Variants in FUT9 observed in about 807,000 individuals in gnomAD.
FUT9 encodes the protein fucosyltransferase 9, also known as 4-galactosyl-N-acetylglucosaminide 3-alpha-L-fucosyltransferase 9.
In FUT9, 15 loss-of-function variants were observed where a neutral mutation model predicts 29.7. That is an observed-to-expected ratio of 0.51 (90% CI 0.34 to 0.78). The LOEUF (loss-of-function observed/expected upper bound fraction) is 0.78, where lower values mean the gene tolerates loss of function less well. FUT9 is among the 30% of genes least tolerant of loss of function. FUT9 has a pLI of 0.01. For synonymous variants in FUT9, 169 were observed against 153.7 expected, an observed-to-expected ratio of 1.10 and a Z score of -0.74; for missense variants, 319 against 425.4, an observed-to-expected ratio of 0.75 and a Z score of 2.20.
intron 2 of FUT9, among the ~76,000 whole-genome samples, chr6:96,181,418 A>T (rs1168300934): frequency 7.2e-6 from 1 of 139,340 alleles, no homozygotes; most frequent in Admixed American, 7.8e-5. Flanking sequence ...TCTCCATTTT[A>T]TTTTTTTTCT....
At chr6:96,033,894 A>T (rs1770306371) in intron 1 of FUT9, among the ~76,000 whole-genome samples, 1 of 151,622 alleles carries the variant, frequency 6.6e-6, no homozygotes, top group Non-Finnish European at 1.5e-5. Context: ...ACACACATTC[A>T]TAAATATATA....
rs551977424 is a variant in FUT9, at chr6:96,108,814, G to GAC, written c.-97-5214_-97-5213dup. On this transcript the variant is annotated intron_variant, in intron 1 of 2. Transcript: ENST00000302103. ...TGCCACTACATTGTACCCGAAGCCA[G>GAC]ACACACACACACCGTTCATTTGTAC... Among the ~76,000 whole-genome samples, 3 of 151,842 alleles carry GAC rather than the reference G, an allele frequency of 2.0e-5. No homozygotes were observed. The East Asian group carries it at 5.8e-4, about 29-fold the overall frequency.
intron 2 of FUT9, among the ~76,000 whole-genome samples, chr6:96,134,518 C>T (rs902286244): frequency 6.6e-6 from 1 of 151,758 alleles, no homozygotes; most frequent in Admixed American, 6.6e-5. Flanking sequence ...TGTCCTTCTC[C>T]AAATATTTCA....
intron 2 of FUT9, among the ~76,000 whole-genome samples, chr6:96,164,811 T>C (rs1772984047): frequency 6.6e-6 from 1 of 152,234 alleles, no homozygotes; most frequent in Non-Finnish European, 1.5e-5. Flanking sequence ...CTTAGAATTT[T>C]ATTTTTGGTT....
Position 96,165,869 on chromosome 6 carries a change from A to AC in FUT9, c.-8-37277dup, listed in dbSNP as rs572833706. Among the ~76,000 whole-genome samples, 23 of 151,956 alleles carry AC rather than the reference A, an allele frequency of 1.5e-4. No individual in the cohort carries two copies. The East Asian group carries it at 3.9e-3, about 26-fold the overall frequency. The stretch of plus-strand genomic sequence containing the variant: ...GACCTCAAGTGATCCACCAGCCTCA[A>AC]CCTCCCAGAGTGCTGGGATTACAGG... On this transcript the variant is annotated intron_variant, in intron 2 of 2. Transcript: ENST00000302103.
At chr6:96,025,254 G>A (rs191685194) in intron 1 of FUT9, among the ~76,000 whole-genome samples, 3 of 151,834 alleles carry the variant, frequency 2.0e-5, no homozygotes, top group African/African-American at 7.2e-5. Flanking sequence ...GACTGGACTC[G>A]ATTCCAGTCT....
chr6:96,075,788 G>A (rs963586908), intron 1 of FUT9, among the ~76,000 whole-genome samples: 4 of 152,108 alleles, frequency 2.6e-5, no homozygotes, highest in Non-Finnish European at 5.9e-5. Flanking sequence ...TTCACTGACC[G>A]ATTTGACAAT....
intron 2 of FUT9, among the ~76,000 whole-genome samples, chr6:96,115,679 A>C (rs1203235679): frequency 1.3e-5 from 2 of 152,194 alleles, no homozygotes; most frequent in African/African-American, 4.8e-5. Context: ...CTGCTACCTA[A>C]TGAATTTTGA....
At chr6:96,180,809 T>A (rs1773292878) in intron 2 of FUT9, among the ~76,000 whole-genome samples, 1 of 152,086 alleles carries the variant, frequency 6.6e-6, no homozygotes, top group Non-Finnish European at 1.5e-5. Context: ...CTATTGTGTA[T>A]ATTTTCTTTA....
At chr6:96,102,338 A>T (rs2127957300) in intron 1 of FUT9, among the ~76,000 whole-genome samples, 1 of 150,834 alleles carries the variant, frequency 6.6e-6, no homozygotes, top group East Asian at 1.9e-4. Flanking sequence ...CCTGAGTTTA[A>T]AAAAAAAAGA....
chr6:96,029,454 T>C (rs1770223714), intron 1 of FUT9, among the ~76,000 whole-genome samples: 1 of 151,518 alleles, frequency 6.6e-6, no homozygotes, highest in South Asian at 2.1e-4. Flanking sequence ...TCCCAGTCTA[T>C]TCAAGCTCGC....
In FUT9 at chr6:96,203,944, T is replaced by C. The variant is rs759848507; in HGVS notation, c.789T>C (p.Ala263=). The C allele has an allele frequency of 1.7e-5, 27 of 1,613,232 alleles. No individual in the cohort carries two copies. The highest frequency in any genetic ancestry group is 1.4e-5 in the Non-Finnish European group (16 of 1,179,440). ...ITEKLYNAFL[A]GSVPVVLGPS... ...AAAAGCTATACAATGCTTTTCTGGC[T>C]GGCTCTGTACCTGTTGTTCTGGGAC... The change falls in exon 3 of 3, where the codon GCT becomes GCC. Residue 263 remains alanine (A), a synonymous_variant. Coordinates refer to ENST00000302103, the MANE Select transcript of FUT9 (RefSeq NM_006581.4).
intron 2 of FUT9, among the ~76,000 whole-genome samples, chr6:96,151,543 G>C (rs555368849): frequency 2.0e-5 from 3 of 152,106 alleles, no homozygotes; most frequent in Non-Finnish European, 4.4e-5. Context: ...CTTCCTCCTT[G>C]CTTCAGGGCA....
chr6:96,183,388 G>A (rs1191581231), intron 2 of FUT9, among the ~76,000 whole-genome samples: 3 of 151,962 alleles, frequency 2.0e-5, no homozygotes, highest in Non-Finnish European at 4.4e-5. Context: ...CATATAATCA[G>A]CAAACAGTGA....
In FUT9 at chr6:96,215,443, T is replaced by G. The variant is rs920547409; in HGVS notation, c.*11208T>G. On this transcript the variant is annotated 3_prime_UTR_variant, in exon 3 of 3. Coordinates refer to ENST00000302103, the MANE Select transcript of FUT9 (RefSeq NM_006581.4). ...AATGTATAAAGGATTTGAGCCTGTA[T>G]GTGTAAGAAGAAACTCTCTCTTCAG... 1.2e-5 allele frequency: 2 copies of G among 166,814 alleles called. No individual in the cohort carries two copies. 10.3% of individuals were successfully genotyped at this position (166,814 alleles called of 1,614,324 possible).
chr6:96,077,264 C>G (rs1771154770), intron 1 of FUT9, among the ~76,000 whole-genome samples: 1 of 152,098 alleles, frequency 6.6e-6, no homozygotes, highest in African/African-American at 2.4e-5. Flanking sequence ...TACCCAATCT[C>G]ATAAACTAAG....
At chr6:96,150,220 A>T (rs1351950256) in intron 2 of FUT9, among the ~76,000 whole-genome samples, 1 of 152,210 alleles carries the variant, frequency 6.6e-6, no homozygotes, top group Non-Finnish European at 1.5e-5. Context: ...GTAAAATGAC[A>T]TTAGAATTCA....
rs900511113 is a variant in FUT9, at chr6:96,196,713, AAAAAT to A, written c.-8-6417_-8-6413del. Among the ~76,000 whole-genome samples, 17 of 152,216 alleles carry A rather than the reference AAAAAT, an allele frequency of 1.1e-4. 1 individual carries two copies. The South Asian group carries it at 2.7e-3, about 24-fold the overall frequency. ...GTGACAGAGTGAGACTCCATCTCAA[AAAAAT>A]AAAATAAAATAAAATAACAAAGGGG... On this transcript the variant is annotated intron_variant, in intron 2 of 2. Coordinates refer to ENST00000302103, the MANE Select transcript of FUT9 (RefSeq NM_006581.4).
chr6:96,079,693 A>G (rs1326954138), intron 1 of FUT9, among the ~76,000 whole-genome samples: 1 of 151,514 alleles, frequency 6.6e-6, no homozygotes, highest in Non-Finnish European at 1.5e-5. Context: ...ATATGTTTCT[A>G]GTGTAAAAAA....
Sources: allele counts gnomAD v4.1 joint callset (sites outside exome capture counted in the v4.1 genomes callset), GRCh38; gene constraint gnomAD v4.1.1; transcripts MANE v1.5; gene names NCBI Gene and HGNC (gene_info 2026-07-23, HGNC 2026-07-21).